The following PTPRK variants were observed in gnomAD, a reference collection of about 807,000 sequenced individuals.
PTPRK encodes the protein receptor-type tyrosine-protein phosphatase kappa.
In PTPRK, 75 loss-of-function variants were observed where a neutral mutation model predicts 178.0. That is an observed-to-expected ratio of 0.42 (90% confidence interval 0.35 to 0.51). PTPRK has a LOEUF of 0.51. Ranked by LOEUF, PTPRK falls within the 20% of genes least tolerant of loss-of-function variation. The pLI, the probability that PTPRK is intolerant of heterozygous loss-of-function variation, is 0.02. For missense variants in PTPRK, 1,441 were observed against 1,797.8 expected (o/e 0.80, Z 3.59); for synonymous variants, 637 against 620.6 (o/e 1.03, Z -0.39).
chr6:128,040,026 T>C (rs1385654645), intron 13 of PTPRK, among the ~76,000 whole-genome samples: 1 of 152,208 alleles, frequency 6.6e-6, no homozygotes, highest in Non-Finnish European at 1.5e-5. Flanking sequence ...AAGTGGTTGC[T>C]GTTGTTATCA....
chr6:128,119,400 C>T (rs1792089986), intron 7 of PTPRK, among the ~76,000 whole-genome samples: 1 of 151,740 alleles, frequency 6.6e-6, no homozygotes, highest in Non-Finnish European at 1.5e-5. Context: ...GCAAACATCT[C>T]CTAAAATATA....
At chr6:128,475,821 AAATATGT>A (rs1851306038) in intron 1 of PTPRK, among the ~76,000 whole-genome samples, 1 of 151,968 alleles carries the variant, frequency 6.6e-6, no homozygotes, top group East Asian at 1.9e-4. Context: ...CTAATGAGAA[AAATATGT>A]TGCTATTTTG....
intron 16 of PTPRK, among the ~76,000 whole-genome samples, chr6:127,998,436 C>G (rs9482853): frequency 2.0e-5 from 3 of 151,792 alleles, no homozygotes; most frequent in African/African-American, 7.3e-5. Flanking sequence ...TGGGGAGATA[C>G]GCAAAGTGTT....
intron 1 of PTPRK, among the ~76,000 whole-genome samples, chr6:128,517,771 A>G (rs1270630748): frequency 6.6e-6 from 1 of 152,334 alleles, no homozygotes; most frequent in Non-Finnish European, 1.5e-5. Context: ...CGGAAAGTAA[A>G]CTGATCTTAA....
At chr6:128,210,629 A>G (rs2128265001) in intron 6 of PTPRK, among the ~76,000 whole-genome samples, 1 of 152,198 alleles carries the variant, frequency 6.6e-6, no homozygotes, top group South Asian at 2.1e-4. Flanking sequence ...GGTGAGTGAT[A>G]AAGAACAAAT....
chr6:128,195,641 T>C (rs982538020), intron 6 of PTPRK, among the ~76,000 whole-genome samples: 2 of 152,114 alleles, frequency 1.3e-5, no homozygotes, highest in Admixed American at 6.5e-5. Flanking sequence ...TGTGATGACA[T>C]AGTAAAACTA....
At chr6:127,996,345 T>C (rs139337959) in intron 17 of PTPRK, among the ~76,000 whole-genome samples, 114 of 152,248 alleles carry the variant, frequency 7.5e-4, no homozygotes, top group Non-Finnish European at 1.5e-3. Context: ...TAATACCCCA[T>C]GCATTTATGT....
At chr6:128,382,785 C>T (rs1838133064) in intron 2 of PTPRK, among the ~76,000 whole-genome samples, 1 of 152,030 alleles carries the variant, frequency 6.6e-6, no homozygotes, top group Non-Finnish European at 1.5e-5. Flanking sequence ...CTCTTTATTT[C>T]TTCCACTCTA....
intron 5 of PTPRK, chr6:128,231,967 C>T (rs1812374184): frequency 6.6e-6 from 1 of 152,208 alleles, no homozygotes; most frequent in African/African-American, 2.4e-5. Context: ...TCTTCCAATG[C>T]CAATGGCGCT....
chr6:128,273,449 C>T (rs188427364), intron 3 of PTPRK, among the ~76,000 whole-genome samples: 48 of 152,232 alleles, frequency 3.2e-4, no homozygotes, highest in African/African-American at 8.7e-4. Context: ...AAGTCCTATA[C>T]CCATTCTATG....
intron 5 of PTPRK, among the ~76,000 whole-genome samples, chr6:128,237,299 C>G (rs1481849993): frequency 6.6e-6 from 1 of 152,006 alleles, no homozygotes; most frequent in Non-Finnish European, 1.5e-5. Flanking sequence ...TTTTACCTGA[C>G]CATGGCAGGT....
chr6:128,140,090 A>C (rs1048642802), intron 7 of PTPRK, among the ~76,000 whole-genome samples: 1 of 151,996 alleles, frequency 6.6e-6, no homozygotes, highest in Admixed American at 6.6e-5. Flanking sequence ...CAGATACACA[A>C]GTTGCAACAT....
At chr6:128,387,888 C>A (rs1838987046) in intron 2 of PTPRK, among the ~76,000 whole-genome samples, 1 of 151,834 alleles carries the variant, frequency 6.6e-6, no homozygotes, top group African/African-American at 2.4e-5. Context: ...AATCTTTTGG[C>A]TTGCCTGGGC....
Position 128,482,787 on chromosome 6 carries a change from T to C in PTPRK, c.100+37472A>G, listed in dbSNP as rs190006424. Among the ~76,000 whole-genome samples the C allele has an allele frequency of 3.9e-5, 6 of 152,310 alleles. No individual in the cohort carries two copies. In the East Asian group the frequency reaches 5.8e-4, roughly 15 times the overall value. ...TCAACAAGACAGCAATTGTTCTTGG[T>C]TGAATGGCTTATTCTGGGAATTCTT... On this transcript the variant is annotated intron_variant, in intron 1 of 29. Transcript: ENST00000368226.
rs1302038133 is a variant in PTPRK at position 128,043,153 on chromosome 6, T to C, written c.2194+21605A>G. On this transcript the variant is annotated intron_variant, in intron 13 of 29. Transcript: ENST00000368226. ...TATCAAATAAAAATCTCTGGCTTGT[T>C]CTTTAAACACATTAGAGAAATTATT... Among the ~76,000 whole-genome samples, 4 of 152,198 alleles carry C rather than the reference T, an allele frequency of 2.6e-5. No homozygotes were observed. The East Asian group carries it at 7.7e-4, about 29-fold the overall frequency.
intron 13 of PTPRK, chr6:128,063,668 A>G (rs1781254905): frequency 1.3e-5 from 2 of 152,216 alleles, no homozygotes; most frequent in Non-Finnish European, 2.9e-5. Context: ...TTTCTCTTTA[A>G]GAATTGCTTT....
chr6:127,997,046 T>C (rs1008826913), intron 16 of PTPRK, 58 bp from the exon 17 acceptor site: 37 of 1,547,850 alleles, frequency 2.4e-5, no homozygotes, highest in Non-Finnish European at 3.3e-5. Flanking sequence ...AAATCAGGTT[T>C]ATCTGTTCTG....
chr6:128,475,728 T>C (rs999994105), intron 1 of PTPRK, among the ~76,000 whole-genome samples: 5 of 152,026 alleles, frequency 3.3e-5, no homozygotes, highest in African/African-American at 1.2e-4. Flanking sequence ...CTGTGGGTTA[T>C]GGTCTTAGGT....
chr6:128,171,498 T>C (rs1471826184), intron 7 of PTPRK, among the ~76,000 whole-genome samples: 1 of 151,982 alleles, frequency 6.6e-6, no homozygotes, highest in Non-Finnish European at 1.5e-5. Flanking sequence ...CCAGACTCTT[T>C]AAGTACCACC....
Sources: gnomAD v4.1 joint callset for allele counts (sites outside exome capture counted in the v4.1 genomes callset) on GRCh38, gnomAD v4.1.1 for gene constraint, MANE v1.5 for transcripts, NCBI Gene and HGNC (gene_info 2026-07-23, HGNC 2026-07-21) for gene names.